The following CACNA1C variants were observed in gnomAD, a reference collection of about 807,000 sequenced individuals.
CACNA1C encodes the protein calcium voltage-gated channel subunit alpha1 C, also known as voltage-dependent L-type calcium channel subunit alpha-1C.
CACNA1C carries 30 observed loss-of-function variants against 229.0 expected under a neutral mutation model. That is an observed-to-expected ratio of 0.13 (90% CI 0.10 to 0.18). CACNA1C has a LOEUF of 0.18. Ranked by LOEUF, CACNA1C falls within the 10% of genes least tolerant of loss-of-function variation. The pLI is 1.00. For missense variants in CACNA1C, 1,658 were observed against 2,845.0 expected, an observed-to-expected ratio of 0.58 and a Z score of 9.49; for synonymous variants, 1,114 against 1,132.5, an observed-to-expected ratio of 0.98 and a Z score of 0.33.
At chr12:2,191,651 C>G (rs545261105) in intron 3 of CACNA1C, among the ~76,000 whole-genome samples, 15 of 145,300 alleles carry the variant, frequency 1.0e-4, no homozygotes, top group South Asian at 6.3e-4. Flanking sequence ...TAAACAGGCA[C>G]ACACACGCAC....
intron 4 of CACNA1C, among the ~76,000 whole-genome samples, chr12:2,457,219 G>A (rs2099435203): frequency 6.6e-6 from 1 of 152,240 alleles, no homozygotes; most frequent in African/African-American, 2.4e-5. Flanking sequence ...ATACCATGGA[G>A]AAGCCGGAGG....
intron 3 of CACNA1C, among the ~76,000 whole-genome samples, chr12:2,426,666 G>A (rs2099035288): frequency 6.6e-6 from 1 of 152,260 alleles, no homozygotes; most frequent in African/African-American, 2.4e-5. Context: ...GATTGGCTCA[G>A]TTGAGCAGTT....
intron 3 of CACNA1C, among the ~76,000 whole-genome samples, chr12:2,350,624 C>T (rs1035602748): frequency 5.9e-5 from 9 of 152,302 alleles, no homozygotes; most frequent in African/African-American, 1.9e-4. Context: ...CTGAAGAGCC[C>T]GAATGCCTGG....
At chr12:2,110,052 G>GA (rs889499694) in intron 1 of CACNA1C, among the ~76,000 whole-genome samples, 5 of 151,536 alleles carry the variant, frequency 3.3e-5, no homozygotes, top group African/African-American at 7.3e-5. Flanking sequence ...ATGGATTAAA[G>GA]AAAAAAAAAT....
intron 5 of CACNA1C, among the ~76,000 whole-genome samples, chr12:2,475,961 C>T (rs957516803): frequency 6.6e-6 from 1 of 152,050 alleles, no homozygotes; most frequent in Non-Finnish European, 1.5e-5. Flanking sequence ...TTGTAACATC[C>T]CCCTTTCTTG....
chr12:2,304,866 G>T (rs1168351782), intron 3 of CACNA1C, among the ~76,000 whole-genome samples: 1 of 152,238 alleles, frequency 6.6e-6, no homozygotes, highest in Non-Finnish European at 1.5e-5. Context: ...GGCAGGCAGG[G>T]TGAGCAGAGG....
At position 2,639,326 on chromosome 12, in the gene CACNA1C, A is replaced by G. The variant is rs1284142707; in HGVS notation, c.3912+4946A>G. 6.6e-6 allele frequency among the ~76,000 whole-genome samples: 1 copy of G among 152,232 alleles called. No homozygotes were observed. The highest frequency in any genetic ancestry group is 1.5e-5 in the Non-Finnish European group (1 of 68,036). On this transcript the variant is annotated intron_variant, in intron 30 of 46. Coordinates refer to ENST00000399655, the MANE Select transcript of CACNA1C (RefSeq NM_000719.7). This position sits in a 1 kb window ranked among gnomAD's most constrained non-coding sequence, Gnocchi z 4.2. ...TGTGATTGTTCGTGAAAGTTACTAC[A>G]GCACCAGAAACTGCTCCCTAAACAT...
rs1321668984 is a variant in CACNA1C, at chr12:2,299,854, A to G, written c.478-149122A>G. The stretch of plus-strand genomic sequence containing the variant: ...AGGCATTCAGCCTCTCTAAGCCTCA[A>G]TGTCATCATTTGTAAAATGAGAGCC... On this transcript the variant is annotated intron_variant, in intron 3 of 46. Transcript: ENST00000399655. Among the ~76,000 whole-genome samples, 6 of 152,286 alleles carry G rather than the reference A, an allele frequency of 3.9e-5. No homozygotes were observed. The South Asian group carries it at 1.0e-3, about 26-fold the overall frequency.
chr12:2,241,170 C>T (rs754194668), intron 3 of CACNA1C, among the ~76,000 whole-genome samples: 13 of 152,090 alleles, frequency 8.5e-5, no homozygotes, highest in South Asian at 4.2e-4. Context: ...CATCCTCCCA[C>T]GCATGGAGAA....
intron 42 of CACNA1C, chr12:2,680,628 T>G (rs1442125623): frequency 2.1e-6 from 3 of 1,461,782 alleles, no homozygotes; most frequent in Non-Finnish European, 1.9e-6. Flanking sequence ...AGTAGCAGCT[T>G]CCCTCTAAAC....
At chr12:2,477,552 G>T (rs1174448606) in intron 5 of CACNA1C, among the ~76,000 whole-genome samples, 2 of 152,180 alleles carry the variant, frequency 1.3e-5, no homozygotes, top group Non-Finnish European at 2.9e-5. Flanking sequence ...GAGTCGACCA[G>T]ATGGCCTCCA....
chr12:2,364,461 C>A (rs1011313951), intron 3 of CACNA1C, among the ~76,000 whole-genome samples: 3 of 152,124 alleles, frequency 2.0e-5, no homozygotes, highest in Non-Finnish European at 4.4e-5. Context: ...CGGCCCAGTG[C>A]AGAGACTTAG....
intron 3 of CACNA1C, among the ~76,000 whole-genome samples, chr12:2,352,480 T>G (rs1228716717): frequency 1.3e-5 from 2 of 152,168 alleles, no homozygotes; most frequent in Non-Finnish European, 2.9e-5. Flanking sequence ...ACATGCCAGG[T>G]GAATTCTGTG....
intron 43 of CACNA1C, among the ~76,000 whole-genome samples, chr12:2,685,171 C>G (rs185202966): frequency 3.3e-5 from 5 of 152,048 alleles, no homozygotes; most frequent in African/African-American, 1.2e-4. Flanking sequence ...TACTTCTCAT[C>G]GAGTTTCCAT....
In CACNA1C at chr12:2,135,841, C is replaced by G. The variant is rs551967441; in HGVS notation, c.477+15411C>G. ...GAGCTGTGGTAGGCTCCACCCAGTT[C>G]GAGCTTCCCGGCTGCTTTGTTTACC... On this transcript the variant is annotated intron_variant, in intron 3 of 46. Transcript: ENST00000399655. Among the ~76,000 whole-genome samples, 1,138 of 145,154 alleles carry G rather than the reference C, an allele frequency of 7.8e-3. 26 individuals are homozygous for G. Among genetic ancestry groups the G allele is most frequent in the African/African-American group, 0.022 (806 of 36,326 alleles).
At position 2,697,790 on chromosome 12, in the gene CACNA1C, A is replaced by C. The variant is rs886049251; in HGVS notation, c.*6591A>C. ...CCTCGAGAAAGGCCAGGGAATCTAG[A>C]AGGGGCAACCCTTCAAGGAGAGCTT... On this transcript the variant is annotated 3_prime_UTR_variant, in exon 47 of 47. Transcript: ENST00000399655. 6.6e-6 allele frequency: 1 copy of C among 152,600 alleles called. No individual in the cohort carries two copies. The highest frequency in any genetic ancestry group is 1.5e-5 in the Non-Finnish European group (1 of 68,052). The allele number at this position is 152,600 out of a possible 1,614,324, so 9.5% of individuals were successfully genotyped here.
chr12:2,639,001 G>A lies in CACNA1C; in HGVS notation c.3912+4621G>A, dbSNP rs535406417. On this transcript the variant is annotated intron_variant, in intron 30 of 46. Coordinates refer to ENST00000399655, the MANE Select transcript of CACNA1C (RefSeq NM_000719.7). This position sits in a 1 kb window ranked among gnomAD's most constrained non-coding sequence, Gnocchi z 4.2. ...GAGGCAGAGGAGCGGAGAGGCCTGGGCCAGGGCCTCTGGCGCGAGGAGATC... is the reference window on the plus strand; with the variant it reads ...GAGGCAGAGGAGCGGAGAGGCCTGGACCAGGGCCTCTGGCGCGAGGAGATC... Among the ~76,000 whole-genome samples, 46 of 152,354 alleles carry A rather than the reference G, an allele frequency of 3.0e-4. No individual in the cohort carries two copies. Among genetic ancestry groups the A allele is most frequent in the African/African-American group, 1.1e-3 (45 of 41,590 alleles).
At chr12:2,097,289 G>C (rs182183765) in intron 1 of CACNA1C, among the ~76,000 whole-genome samples, 2,612 of 152,134 alleles carry the variant, frequency 0.017, 62 homozygotes, top group Admixed American at 0.069. Flanking sequence ...GGGACTACAG[G>C]CGCCTGCCAC....
intron 1 of CACNA1C, among the ~76,000 whole-genome samples, chr12:2,058,886 T>C (rs2056336869): frequency 6.6e-6 from 1 of 152,112 alleles, no homozygotes; most frequent in African/African-American, 2.4e-5. Flanking sequence ...TTCTCTGTGT[T>C]TTAATTCCTA....
Sources: allele counts gnomAD v4.1 joint callset (sites outside exome capture counted in the v4.1 genomes callset), GRCh38; gene constraint gnomAD v4.1.1; non-coding constraint Gnocchi (gnomAD v3.1); transcripts MANE v1.5; gene names NCBI Gene and HGNC (gene_info 2026-07-23, HGNC 2026-07-21).